Variants in SLC8A1 observed in about 807,000 individuals in gnomAD.
SLC8A1 encodes the protein solute carrier family 8 member A1, also known as sodium/calcium exchanger 1.
Under a neutral mutation model 68.3 loss-of-function variants are expected in SLC8A1, and 18 were observed. The ratio of observed to expected loss-of-function variants is 0.26; its 90% CI spans 0.18 to 0.39. The LOEUF (loss-of-function observed/expected upper bound fraction) is 0.39. Among genes scored for constraint, SLC8A1 ranks in the 10% least tolerant of loss-of-function variants. The pLI is 1.00. For synonymous variants in SLC8A1, 475 were observed against 415.5 expected (o/e 1.14, Z -1.74); for missense variants, 985 against 1,156.7 (o/e 0.85, Z 2.15).
At chr2:40,410,296 T>C (rs192050163) in intron 2 of SLC8A1, among the ~76,000 whole-genome samples, 34 of 152,188 alleles carry the variant, frequency 2.2e-4, no homozygotes, top group Admixed American at 1.2e-3. Context: ...AATCTTTCAA[T>C]ATGACCTGTT....
intron 2 of SLC8A1, among the ~76,000 whole-genome samples, chr2:40,238,354 A>T (rs1319476273): frequency 1.3e-5 from 2 of 152,108 alleles, no homozygotes; most frequent in Admixed American, 1.3e-4. Context: ...TTCGGGTGGG[A>T]GTGACCCGAT....
chr2:40,431,207 G>A (rs897630112), intron 1 of SLC8A1, among the ~76,000 whole-genome samples: 2 of 151,602 alleles, frequency 1.3e-5, no homozygotes, highest in African/African-American at 4.9e-5. Flanking sequence ...GTAAGCGCCT[G>A]GCAGGCTGTG....
At chr2:40,224,358 C>G (rs989019411) in intron 2 of SLC8A1, among the ~76,000 whole-genome samples, 1 of 152,052 alleles carries the variant, frequency 6.6e-6, no homozygotes, top group African/African-American at 2.4e-5. Flanking sequence ...ATCTGCTCAA[C>G]GCTAAAAGCC....
intron 1 of SLC8A1, among the ~76,000 whole-genome samples, chr2:40,506,656 C>T (rs1706390278): frequency 1.3e-5 from 2 of 151,046 alleles, no homozygotes; most frequent in South Asian, 4.2e-4. Context: ...TTTATGGGAC[C>T]TGAAGGAATT....
At chr2:40,372,396 G>A (rs191112563) in intron 2 of SLC8A1, among the ~76,000 whole-genome samples, 8 of 152,174 alleles carry the variant, frequency 5.3e-5, no homozygotes, top group African/African-American at 9.6e-5. Flanking sequence ...ACAAGTACAC[G>A]TGACACTTTC....
chr2:40,246,939 T>TA (rs927657501), intron 2 of SLC8A1, among the ~76,000 whole-genome samples: 207 of 66,184 alleles, frequency 3.1e-3, no homozygotes, highest in African/African-American at 8.3e-3. Flanking sequence ...ATATTTCTGC[T>TA]AAAAAAAAAA....
At chr2:40,317,543 T>C (rs1032874939) in intron 2 of SLC8A1, among the ~76,000 whole-genome samples, 24 of 152,046 alleles carry the variant, frequency 1.6e-4, no homozygotes, top group Admixed American at 1.4e-3. Context: ...AAAATGAAAA[T>C]ACTTTTAAAG....
At chr2:40,303,475 C>T (rs1043773492) in intron 2 of SLC8A1, among the ~76,000 whole-genome samples, 1 of 152,200 alleles carries the variant, frequency 6.6e-6, no homozygotes, top group African/African-American at 2.4e-5. Context: ...CTGGCAAGTA[C>T]AGCCCATGTT....
chr2:40,378,534 G>C (rs563645901), intron 2 of SLC8A1, among the ~76,000 whole-genome samples: 4 of 152,102 alleles, frequency 2.6e-5, no homozygotes, highest in Admixed American at 6.6e-5. Context: ...GAAGCTAGTG[G>C]AGAGTTTTGA....
rs572977755 is a variant in SLC8A1, at chr2:40,373,004, C to T, written c.1808+55469G>A. On this transcript the variant is annotated intron_variant, in intron 2 of 7. Coordinates refer to ENST00000406785, the Ensembl canonical transcript of SLC8A1. ...ATACCAACAGCAGCCTTGCAATCCC[C>T]GTCAAAATGTACCCAACCAACTTAA... is the stretch of plus-strand genomic sequence containing the variant. Among the ~76,000 whole-genome samples, 20 of 151,530 alleles carry T rather than the reference C, an allele frequency of 1.3e-4. No homozygotes were observed. In the South Asian group the frequency reaches 2.9e-3, roughly 22 times the overall value.
intron 2 of SLC8A1, among the ~76,000 whole-genome samples, chr2:40,222,324 C>A (rs564719791): frequency 1.3e-5 from 2 of 152,006 alleles, no homozygotes; most frequent in African/African-American, 4.8e-5. Context: ...GCTAGCCATA[C>A]GCAGAAAACT....
intron 2 of SLC8A1, among the ~76,000 whole-genome samples, chr2:40,299,557 C>G (rs2071042732): frequency 6.6e-6 from 1 of 152,080 alleles, no homozygotes; most frequent in Non-Finnish European, 1.5e-5. Context: ...ATTGCTGGCT[C>G]AATTCTCAGG....
At chr2:40,472,256 C>A (rs1023395501) in intron 1 of SLC8A1, among the ~76,000 whole-genome samples, 1 of 152,130 alleles carries the variant, frequency 6.6e-6, no homozygotes, top group African/African-American at 2.4e-5. Flanking sequence ...ACTTCTATGT[C>A]TCAAATTATT....
chr2:40,478,149 C>T (rs1408378164), intron 1 of SLC8A1, among the ~76,000 whole-genome samples: 1 of 152,046 alleles, frequency 6.6e-6, no homozygotes, highest in Non-Finnish European at 1.5e-5. Context: ...TCAGCTATGC[C>T]TTGGCTGGGG....
intron 2 of SLC8A1, among the ~76,000 whole-genome samples, chr2:40,345,484 A>G (rs1668961589): frequency 6.6e-6 from 1 of 152,164 alleles, no homozygotes; most frequent in Admixed American, 6.5e-5. Context: ...TACCATTAAG[A>G]ACATGAAAGA....
chr2:40,103,631 T>A lies in SLC8A1; in HGVS notation c.*11622A>T, dbSNP rs148549170. ...AGTAGAATTACTATAAGAAACTGTATGAACTTAAAGTTTTCATTTAAAATA... is the reference window on the plus strand; with the variant it reads ...AGTAGAATTACTATAAGAAACTGTAAGAACTTAAAGTTTTCATTTAAAATA... On this transcript the variant is annotated 3_prime_UTR_variant, in exon 8 of 8. Transcript: ENST00000406785. 3.9e-5 allele frequency: 6 copies of A among 152,304 alleles called. No individual in the cohort carries two copies. In the East Asian group the frequency reaches 1.2e-3, roughly 29 times the overall value. The allele number at this position is 152,304 out of a possible 1,614,324, so 9.4% of individuals were successfully genotyped here.
At chr2:40,406,873 CT>C (rs1414896371) in intron 2 of SLC8A1, among the ~76,000 whole-genome samples, 5 of 152,198 alleles carry the variant, frequency 3.3e-5, no homozygotes, top group African/African-American at 4.8e-5. Flanking sequence ...TGCATTCCCC[CT>C]ATCTACGTCA....
intron 2 of SLC8A1, among the ~76,000 whole-genome samples, chr2:40,412,123 CTCATGT>C (rs1191380518): frequency 6.6e-6 from 1 of 152,096 alleles, no homozygotes; most frequent in Non-Finnish European, 1.5e-5. Context: ...GATTCCAGAA[CTCATGT>C]TCTTCATGGC....
chr2:40,379,387 A>G (rs1200214439), intron 2 of SLC8A1, among the ~76,000 whole-genome samples: 1 of 152,066 alleles, frequency 6.6e-6, no homozygotes, highest in Non-Finnish European at 1.5e-5. Flanking sequence ...TCAATTTTTC[A>G]TATGATTTTT....
Sources: gnomAD v4.1 joint callset for allele counts (sites outside exome capture counted in the v4.1 genomes callset) on GRCh38, gnomAD v4.1.1 for gene constraint, MANE v1.5 for transcripts, NCBI Gene and HGNC (gene_info 2026-07-23, HGNC 2026-07-21) for gene names.